ZC3HAV1: variants seen among roughly 807,000 people sequenced by gnomAD.
ZC3HAV1 encodes zinc finger CCCH-type antiviral protein 1.
Under a neutral mutation model 86.6 loss-of-function variants are expected in ZC3HAV1, and 41 were observed. The ratio of observed to expected loss-of-function variants is 0.47; its 90% confidence interval spans 0.37 to 0.61. ZC3HAV1 has a LOEUF of 0.61. Among genes scored for constraint, ZC3HAV1 ranks in the 20% least tolerant of loss-of-function variants. The pLI, the probability that ZC3HAV1 is intolerant of heterozygous loss-of-function variation, is 0.00. For missense variants in ZC3HAV1, 964 were observed against 1,141.1 expected (o/e 0.84, Z 2.24); for synonymous variants, 421 against 432.1 (o/e 0.97, Z 0.32).
intron 2 of ZC3HAV1, among the ~76,000 whole-genome samples, chr7:139,089,079 G>A (rs146489846): frequency 0.065 from 7,767 of 119,408 alleles, 234 homozygotes; most frequent in Admixed American, 0.11. Context: ...TCCAGCCTGC[G>A]CAACACAGCG....
rs202245976 is a variant in ZC3HAV1, at chr7:139,083,930, G to A, written c.547C>T (p.Arg183Cys). ...TGGGACCGGAGGCAGTTGGGAAAAC[G>A]ACAGTTCCCTCGGGTGAAGTGGTCA... ...ICDHFTRGNC[R>C]FPNCLRSHNL... is the part of the protein sequence containing the mutation. The change falls in exon 3 of 13, where the codon CGT becomes TGT. Residue 183 changes from arginine (R) to cysteine (C), a missense_variant. Transcript: ENST00000242351. The A allele has an allele frequency of 1.9e-4, 309 of 1,614,088 alleles. 1 individual carries two copies. Among genetic ancestry groups the A allele is most frequent in the South Asian group, 5.9e-4 (54 of 91,074 alleles).
At position 139,109,661 on chromosome 7, in the gene ZC3HAV1, G is replaced by C. The variant is rs1160629897; in HGVS notation, c.-330C>G. 7.6e-6 allele frequency: 2 copies of C among 262,552 alleles called. No individual in the cohort carries two copies. The highest frequency in any genetic ancestry group is 1.1e-4 in the Admixed American group (2 of 18,686). 16.3% of individuals were successfully genotyped at this position (262,552 alleles called of 1,614,324 possible). On this transcript the variant is annotated 5_prime_UTR_variant, in exon 1 of 13. Transcript: ENST00000242351. ...CCCCTCTCGGTTCTAGGCTCGGCGA[G>C]GGTGAGGTTCTCCAGCCGGGCTCCG...
chr7:139,101,868 T>G (rs1449353039), intron 1 of ZC3HAV1, among the ~76,000 whole-genome samples: 1 of 152,016 alleles, frequency 6.6e-6, no homozygotes, highest in Non-Finnish European at 1.5e-5. Context: ...ACACAAACAC[T>G]GCGGAAGGCC....
intron 3 of ZC3HAV1, 139 bp downstream of exon 3, chr7:139,083,641 C>T (rs2130711184): frequency 8.5e-7 from 1 of 1,179,030 alleles, no homozygotes; most frequent in African/African-American, 1.6e-5. Flanking sequence ...GCAGGAGAAT[C>T]ACTTGAACCT....
At chr7:139,105,914 C>CA (rs1025426900) in intron 1 of ZC3HAV1, among the ~76,000 whole-genome samples, 23 of 145,178 alleles carry the variant, frequency 1.6e-4, no homozygotes, top group South Asian at 8.7e-4. Flanking sequence ...GACCCGAGGA[C>CA]AAAAAAAAAA....
chr7:139,053,896 C>T (rs1436810817), intron 11 of ZC3HAV1, 69 bp downstream of exon 11: 7 of 1,507,530 alleles, frequency 4.6e-6, no homozygotes, highest in Non-Finnish European at 6.2e-6. Context: ...GAATATAAAT[C>T]TCAAAGGACG....
rs753109410 is a variant in ZC3HAV1 at position 139,109,042 on chromosome 7, T to C, written c.290A>G (p.Asn97Ser). The change falls in exon 1 of 13, where the codon AAC becomes AGC. Residue 97 changes from asparagine (N) to serine (S), a missense_variant. Coordinates refer to ENST00000242351, the MANE Select transcript of ZC3HAV1 (RefSeq NM_020119.4). Reference sequence around the variant, plus strand: ...CACTCACCGCTCGGACTGCGAATAGTTGCACCGGCCCAGCAAGTTGAGTTT... The same window carrying C: ...CACTCACCGCTCGGACTGCGAATAGCTGCACCGGCCCAGCAAGTTGAGTTT... The part of the protein sequence containing the change: ...LCKLNLLGRC[N>S]YSQSERNLCK... 6 of 1,575,706 alleles carry C rather than the reference T, an allele frequency of 3.8e-6. No homozygotes were observed. In the African/African-American group the frequency reaches 6.7e-5, roughly 18 times the overall value.
chr7:139,065,295 T>A (rs900961638), intron 7 of ZC3HAV1, among the ~76,000 whole-genome samples: 2 of 152,144 alleles, frequency 1.3e-5, no homozygotes, highest in Non-Finnish European at 2.9e-5. Flanking sequence ...GAGCCAAATA[T>A]ACAGAGCAAC....
At position 139,047,613 on chromosome 7, in the gene ZC3HAV1, T is replaced by C; in HGVS notation, c.2690A>G (p.Lys897Arg). The change falls in exon 13 of 13, where the codon AAA becomes AGA. Residue 897 changes from lysine to arginine, a missense_variant. Lys to Arg is a conservative substitution (Grantham distance 26). Transcript: ENST00000242351. ...TCGGTTCTAACTAATCACGCAGGCT[T>C]TGTCTTCAGTATATTCAATCACATA... Reference protein sequence around the residue: ...PQYVIEYTEDKACVIS With the variant: ...PQYVIEYTEDRACVIS 2 of 1,614,082 alleles carry C rather than the reference T, an allele frequency of 1.2e-6. No individual in the cohort carries two copies. Among genetic ancestry groups the C allele is most frequent in the Non-Finnish European group, 1.7e-6 (2 of 1,180,020 alleles).
chr7:139,091,417 G>A (rs1817431842), intron 1 of ZC3HAV1, among the ~76,000 whole-genome samples: 1 of 151,972 alleles, frequency 6.6e-6, no homozygotes, highest in South Asian at 2.1e-4. Flanking sequence ...GCAGTGAGCC[G>A]AGATCGCGCC....
rs55817514 is a variant in ZC3HAV1, at chr7:139,064,786, C to T, written c.1993+93G>A. On this transcript the variant is annotated intron_variant, in intron 8 of 12. Coordinates refer to ENST00000242351, the MANE Select transcript of ZC3HAV1 (RefSeq NM_020119.4). ...GCTAAATCTTGACCTTGACCCTGGCCATAGCAATGCATACCCACTCTGCTC... is the reference window on the plus strand; with the variant it reads ...GCTAAATCTTGACCTTGACCCTGGCTATAGCAATGCATACCCACTCTGCTC... 413 of 1,587,922 alleles carry T rather than the reference C, an allele frequency of 2.6e-4. 1 individual carries two copies. In the African/African-American group the frequency reaches 5.2e-3, roughly 20 times the overall value.
intron 8 of ZC3HAV1, 118 bp downstream of exon 8, chr7:139,064,761 G>C: frequency 6.5e-7 from 1 of 1,527,294 alleles, no homozygotes. Context: ...CCACCGCCTT[G>C]CTAAATCTTG....
At chr7:139,101,361 C>T (rs954672177) in intron 1 of ZC3HAV1, among the ~76,000 whole-genome samples, 2 of 143,894 alleles carry the variant, frequency 1.4e-5, no homozygotes, top group African/African-American at 2.6e-5. Flanking sequence ...AAGTGAGGAG[C>T]GCCTCTTCCC....
Position 139,076,320 on chromosome 7 carries a change from T to C in ZC3HAV1, c.1663A>G (p.Ile555Val), listed in dbSNP as rs776518707. 2 of 1,614,166 alleles carry C rather than the reference T, an allele frequency of 1.2e-6. No individual in the cohort carries two copies. Among genetic ancestry groups the C allele is most frequent in the Admixed American group, 1.7e-5 (1 of 60,018 alleles). ...CCGGGGTTACAGTAGCCTTTCTCGA[T>C]CGTCTCCATGTGCTCAAAGTCCGTC... ...TWTDFEHMET[I>V]EKGYCNPGIH... Residue 555 changes from isoleucine (I) to valine (V), a missense_variant, in exon 6 of 13, where the codon ATC becomes GTC. Ile to Val is a conservative substitution (Grantham distance 29, BLOSUM62 3). Coordinates refer to ENST00000242351, the MANE Select transcript of ZC3HAV1 (RefSeq NM_020119.4).
rs757908127 is a variant in ZC3HAV1, at chr7:139,053,997, G to C, written c.2286C>G (p.Ile762Met). Residue 762 changes from isoleucine to methionine, a missense_variant, in exon 11 of 13, where the codon ATC (isoleucine) becomes ATG (methionine). By Grantham distance (10) the Ile-to-Met change is conservative. Coordinates refer to ENST00000242351, the MANE Select transcript of ZC3HAV1 (RefSeq NM_020119.4). ...ATTTATCCAGGAGCTCTGAGTTCTC[G>C]ATCTTCTTTATCTTTTCAATCTTGA... ...KNFKIEKIKK[I>M]ENSELLDKFT... 6.2e-7 allele frequency: 1 copy of C among 1,606,308 alleles called. No individual in the cohort carries two copies. Among genetic ancestry groups the C allele is most frequent in the Non-Finnish European group, 8.5e-7 (1 of 1,178,192 alleles).
At chr7:139,099,981 C>A (rs1817703402) in intron 1 of ZC3HAV1, among the ~76,000 whole-genome samples, 1 of 151,396 alleles carries the variant, frequency 6.6e-6, no homozygotes, top group South Asian at 2.1e-4. Context: ...ATAGTTTTAG[C>A]CATTTTTAAA....
At chr7:139,066,947 G>C (rs1298874636) in intron 7 of ZC3HAV1, among the ~76,000 whole-genome samples, 1 of 152,148 alleles carries the variant, frequency 6.6e-6, no homozygotes, top group African/African-American at 2.4e-5. Context: ...TGGGAAAGTT[G>C]GGGATGATTT....
chr7:139,058,190 AT>A (rs571857975), intron 9 of ZC3HAV1, among the ~76,000 whole-genome samples: 5 of 126,750 alleles, frequency 3.9e-5, no homozygotes, highest in African/African-American at 1.2e-4. Flanking sequence ...TTTCTAATTT[AT>A]TTTTTTTATT....
chr7:139,082,395 G>A (rs1406863963), intron 3 of ZC3HAV1, among the ~76,000 whole-genome samples: 1 of 151,446 alleles, frequency 6.6e-6, no homozygotes, highest in Admixed American at 6.6e-5. Flanking sequence ...TGCACTGCTG[G>A]CAGAAATGAA....
Sources: allele counts gnomAD v4.1 joint callset (sites outside exome capture counted in the v4.1 genomes callset), GRCh38; gene constraint gnomAD v4.1.1; transcripts MANE v1.5; gene names NCBI Gene and HGNC (gene_info 2026-07-23, HGNC 2026-07-21).